Variants in DGKA observed in about 807,000 individuals in gnomAD.
The protein encoded by DGKA is diacylglycerol kinase alpha.
DGKA carries 35 observed loss-of-function variants against 105.0 expected under a neutral mutation model. That is an observed-to-expected ratio of 0.33 (90% CI 0.25 to 0.44). DGKA has a LOEUF of 0.44. Ranked by LOEUF, DGKA falls within the 20% of genes least tolerant of loss-of-function variation. DGKA has a pLI of 1.00. For missense variants in DGKA, 665 were observed against 915.0 expected (o/e 0.73, Z 3.53); for synonymous variants, 296 against 332.0 (o/e 0.89, Z 1.18).
chr12:55,951,823 G>A (rs1047572435), intron 18 of DGKA, 40 bp downstream of exon 18: 11 of 1,603,110 alleles, frequency 6.9e-6, no homozygotes, highest in South Asian at 2.2e-5. Context: ...AGAAAGGGGG[G>A]GCCAAGCAGT....
intron 17 of DGKA, among the ~76,000 whole-genome samples, chr12:55,949,540 T>C (rs547446016): frequency 6.6e-6 from 1 of 152,196 alleles, no homozygotes; most frequent in Non-Finnish European, 1.5e-5. Flanking sequence ...TTTGATAAAA[T>C]TTGCCAAAAT....
Position 55,953,855 on chromosome 12 carries a change from C to A in DGKA, c.*87C>A. On this transcript the variant is annotated 3_prime_UTR_variant, in exon 24 of 24. Coordinates refer to ENST00000331886, the MANE Select transcript of DGKA (RefSeq NM_001345.5). The stretch of plus-strand genomic sequence containing the variant: ...CCCGAGGCTCTGTACATTGCTGCCA[C>A]ATACTCCTGCCAGCTTGGGGGAGTG... 1 of 1,171,668 alleles carries A rather than the reference C, an allele frequency of 8.5e-7. No homozygotes were observed. Among genetic ancestry groups the A allele is most frequent in the Non-Finnish European group, 1.3e-6 (1 of 794,334 alleles). The allele number at this position is 1,171,668 out of a possible 1,614,324, so 72.6% of individuals were successfully genotyped here.
intron 17 of DGKA, among the ~76,000 whole-genome samples, chr12:55,949,903 G>C (rs538089525): frequency 6.6e-6 from 1 of 151,798 alleles, no homozygotes; most frequent in African/African-American, 2.4e-5. Context: ...CCACAGCCTC[G>C]AACTCCTAGG....
chr12:55,951,805 G>A (rs1888197330), intron 18 of DGKA, 22 bp downstream of exon 18: 1 of 1,608,926 alleles, frequency 6.2e-7, no homozygotes, highest in Non-Finnish European at 8.5e-7. Context: ...GGGGCCTGGG[G>A]AGAAGGGAGA....
In DGKA at chr12:55,940,292, A is replaced by G. The variant is rs1253490868; in HGVS notation, c.799-22A>G. 4 of 1,614,244 alleles carry G rather than the reference A, an allele frequency of 2.5e-6. No homozygotes were observed. Among genetic ancestry groups the G allele is most frequent in the Middle Eastern group, 1.6e-4 (1 of 6,062 alleles). On this transcript the variant is annotated intron_variant, in intron 10 of 23. Coordinates refer to ENST00000331886, the MANE Select transcript of DGKA (RefSeq NM_001345.5). The surrounding 1 kb of genome is among the most constrained non-coding windows in gnomAD (Gnocchi z 4.3). ...GGTCCTGCTCAGACCCTGCCAGACA[A>G]GGAACTGCCTTTCTCCCCAAGGTCC...
chr12:55,942,924 G>A (rs766973222), intron 17 of DGKA, among the ~76,000 whole-genome samples: 18 of 152,140 alleles, frequency 1.2e-4, no homozygotes, highest in Non-Finnish European at 2.4e-4. Context: ...GGTGGAGGAA[G>A]TAGTGTAAGG....
At chr12:55,927,912 C>T (rs1883227222), upstream of DGKA, 5 of 1,019,522 alleles carry the variant, frequency 4.9e-6, no homozygotes, top group South Asian at 3.3e-5. Flanking sequence ...CGGGCTGGGC[C>T]CTAGGGTCAG....
In DGKA at chr12:55,953,402, C is replaced by G; in HGVS notation, c.2116C>G (p.Pro706Ala). The G allele has an allele frequency of 1.9e-6, 3 of 1,614,140 alleles. No individual in the cohort carries two copies. The highest frequency in any genetic ancestry group is 2.5e-6 in the Non-Finnish European group (3 of 1,180,010). Residue 706 changes from proline to alanine, a missense_variant, in exon 23 of 24, where the codon CCC becomes GCC. Pro to Ala is a conservative substitution (Grantham distance 27). Transcript: ENST00000331886. ...TGACGGAGAACCCTGGATGCAGACG[C>G]CCTGTACAGTGAGTATTGACGATCC... ...QIDGEPWMQT[P>A]CTIKITHKNQ...
chr12:55,953,561 C>T (rs999374407), intron 23 of DGKA, 124 bp from the exon 24 acceptor site: 2 of 1,321,314 alleles, frequency 1.5e-6, no homozygotes, highest in Non-Finnish European at 2.2e-6. Context: ...CCTGGTTTCC[C>T]TATCGTGGCC....
At chr12:55,942,453 C>T (rs1886216559) in intron 17 of DGKA, 190 bp downstream of exon 17, 4 of 586,800 alleles carry the variant, frequency 6.8e-6, no homozygotes, top group Admixed American at 2.9e-5. Context: ...ACAATCTGAA[C>T]CTAGAAGGGT....
intron 1 of DGKA, among the ~76,000 whole-genome samples, chr12:55,934,610 C>T (rs1213650701): frequency 2.0e-5 from 3 of 152,214 alleles, no homozygotes; most frequent in African/African-American, 7.2e-5. Context: ...CCTTACCCAA[C>T]AAGCCCTAAA....
chr12:55,942,269 T>C lies in DGKA; in HGVS notation c.1426+6T>C. ...ATGCCTAAGATGGGGAGGAGGTAAG[T>C]GGTTAGAAATTGTTTTGCTGTAGGC... On this transcript the variant is annotated splice_donor_region_variant and intron_variant, in intron 17 of 23. Transcript: ENST00000331886. 1 of 1,613,780 alleles carries C rather than the reference T, an allele frequency of 6.2e-7. No individual in the cohort carries two copies. Among genetic ancestry groups the C allele is most frequent in the Non-Finnish European group, 8.5e-7 (1 of 1,179,868 alleles).
chr12:55,945,278 G>T (rs1433485573), intron 17 of DGKA, among the ~76,000 whole-genome samples: 2 of 152,162 alleles, frequency 1.3e-5, no homozygotes, highest in Non-Finnish European at 2.9e-5. Flanking sequence ...CTCCTAGGTG[G>T]TAATTGACAT....
intron 17 of DGKA, among the ~76,000 whole-genome samples, chr12:55,943,799 G>A (rs1392394845): frequency 1.3e-5 from 2 of 151,958 alleles, no homozygotes; most frequent in Non-Finnish European, 2.9e-5. Context: ...CCAATTCTTT[G>A]ACCAGTTTTC....
Position 55,951,729 on chromosome 12 carries a change from A to C in DGKA, c.1533A>C (p.Glu511Asp), listed in dbSNP as rs374931957. Residue 511 changes from glutamate to aspartate, a missense_variant, in exon 18 of 24, where the codon GAA becomes GAC. By Grantham distance (45) the Glu-to-Asp change is conservative. Coordinates refer to ENST00000331886, the MANE Select transcript of DGKA (RefSeq NM_001345.5). ...AGGTGATACCTCAACAAACTGAAGA[A>C]AAAAGTGACCCAGTCCCCTTTCAAA... is the stretch of plus-strand genomic sequence containing the variant. ...SVEVIPQQTE[E>D]KSDPVPFQII... 1.7e-5 allele frequency: 28 copies of C among 1,613,944 alleles called. No individual in the cohort carries two copies. The highest frequency in any genetic ancestry group is 2.3e-5 in the Non-Finnish European group (27 of 1,180,030).
intron 1 of DGKA, among the ~76,000 whole-genome samples, chr12:55,933,167 G>A (rs976087830): frequency 2.2e-4 from 33 of 152,234 alleles, no homozygotes; most frequent in Non-Finnish European, 4.6e-4. Context: ...TTAGTGGAAT[G>A]TACTAAGGAT....
At chr12:55,936,837 G>C (rs772292349) in intron 2 of DGKA, 180 bp from the exon 3 acceptor site, 4 of 807,970 alleles carry the variant, frequency 5.0e-6, no homozygotes, top group Non-Finnish European at 8.6e-6. Context: ...CCAGCTCTCA[G>C]AGAAGAGGAG....
chr12:55,933,175 G>A (rs1320826213), intron 1 of DGKA, among the ~76,000 whole-genome samples: 2 of 152,204 alleles, frequency 1.3e-5, no homozygotes, highest in African/African-American at 4.8e-5. Flanking sequence ...ATGTACTAAG[G>A]ATGGGTGTCT....
At chr12:55,941,218 C>T in intron 13 of DGKA, 34 bp from the exon 14 acceptor site, 3 of 1,591,460 alleles carry the variant, frequency 1.9e-6, no homozygotes, top group South Asian at 2.2e-5. Context: ...CAAAATCCTG[C>T]TTTCTTTGTC....
Sources: gnomAD v4.1 joint callset for allele counts (sites outside exome capture counted in the v4.1 genomes callset) on GRCh38, gnomAD v4.1.1 for gene constraint, Gnocchi (gnomAD v3.1) non-coding constraint, MANE v1.5 for transcripts, NCBI Gene and HGNC (gene_info 2026-07-23, HGNC 2026-07-21) for gene names.